The following ACAP2 variants were observed in gnomAD, a reference collection of about 807,000 sequenced individuals.
ACAP2 encodes the protein arf-GAP with coiled-coil, ANK repeat and PH domain-containing protein 2.
In ACAP2, 39 loss-of-function variants were observed where a neutral mutation model predicts 115.8. The ratio of observed to expected loss-of-function variants is 0.34; its 90% CI spans 0.26 to 0.44. ACAP2 has a LOEUF of 0.44. Among genes scored for constraint, ACAP2 ranks in the 20% least tolerant of loss-of-function variants. The probability of loss-of-function intolerance (pLI) is 1.00; values close to 1 mark genes in which losing one functional copy is unlikely to be tolerated. For missense variants in ACAP2, 662 were observed against 927.6 expected (o/e 0.71, Z 3.72); for synonymous variants, 289 against 315.8 (o/e 0.92, Z 0.90).
intron 4 of ACAP2, among the ~76,000 whole-genome samples, chr3:195,363,197 A>G (rs1732485737): frequency 6.6e-6 from 1 of 152,254 alleles, no homozygotes; most frequent in African/African-American, 2.4e-5. Context: ...CCCATTTACA[A>G]TTGCTACAAA....
intron 9 of ACAP2, 68 bp from the exon 10 acceptor site, chr3:195,320,881 TAAGAA>T (rs1729404312): frequency 9.7e-7 from 1 of 1,033,938 alleles, no homozygotes; most frequent in Non-Finnish European, 1.5e-6. Flanking sequence ...AAATGGATCC[TAAGAA>T]AAGAGTTCAA....
At position 195,344,199 on chromosome 3, in the gene ACAP2, C is replaced by A. The variant is rs180720902; in HGVS notation, c.344+1060G>T. Reference sequence around the variant, plus strand: ...AGCCACTGTACTCCAGCCTGGGTAACAGAGTCAGACCCTGTCTCTATATTT... The same window carrying A: ...AGCCACTGTACTCCAGCCTGGGTAAAAGAGTCAGACCCTGTCTCTATATTT... On this transcript the variant is annotated intron_variant, in intron 5 of 22. Coordinates refer to ENST00000326793, the MANE Select transcript of ACAP2 (RefSeq NM_012287.6). Among the ~76,000 whole-genome samples, 57 of 152,216 alleles carry A rather than the reference C, an allele frequency of 3.7e-4. No individual in the cohort carries two copies. The East Asian group carries it at 0.011, about 29-fold the overall frequency.
chr3:195,292,392 T>C lies in ACAP2; in HGVS notation c.1826A>G (p.Gln609Arg), dbSNP rs1264279102. The change falls in exon 19 of 23, where the codon CAG (glutamine) becomes CGG (arginine). Residue 609 changes from glutamine (Q) to arginine (R), a missense_variant. Around this residue, in one of 3 missense-constraint regions of ACAP2, gnomAD observed 133 missense variants for 123.1 expected, o/e 1.08. Coordinates refer to ENST00000326793, the MANE Select transcript of ACAP2 (RefSeq NM_012287.6). Reference sequence around the variant, plus strand: ...TTTTTCATATGACGCCCTATAAAGCTGAAGTCCTGGATTAAGATGTTTCGA... The same window carrying C: ...TTTTTCATATGACGCCCTATAAAGCCGAAGTCCTGGATTAAGATGTTTCGA... ...LDSKHLNPGLQLYRASYEKNL... is the reference protein window; with the variant it reads ...LDSKHLNPGLRLYRASYEKNL... 1.2e-6 allele frequency: 2 copies of C among 1,613,374 alleles called. No homozygotes were observed. Among genetic ancestry groups the C allele is most frequent in the Non-Finnish European group, 1.7e-6 (2 of 1,179,916 alleles).
chr3:195,442,965 G>T lies in ACAP2; in HGVS notation c.-118C>A. ...CGCGACTAGCGTTGCGCGGAGCTGC[G>T]AAGGGCGCCTCGCCCGCTGGTCATA... On this transcript the variant is annotated 5_prime_UTR_variant, in exon 1 of 23. Coordinates refer to ENST00000326793, the MANE Select transcript of ACAP2 (RefSeq NM_012287.6). The T allele has an allele frequency of 9.8e-6, 9 of 917,890 alleles. No homozygotes were observed. The highest frequency in any genetic ancestry group is 3.3e-5 in the East Asian group (1 of 30,666). 56.9% of individuals were successfully genotyped at this position (917,890 alleles called of 1,614,324 possible).
At chr3:195,424,746 T>C (rs1398735520) in intron 1 of ACAP2, among the ~76,000 whole-genome samples, 1 of 151,128 alleles carries the variant, frequency 6.6e-6, no homozygotes, top group Non-Finnish European at 1.5e-5. Context: ...TGAGATTTCG[T>C]CTCTACAAAA....
intron 4 of ACAP2, among the ~76,000 whole-genome samples, chr3:195,363,920 A>C (rs760561986): frequency 2.0e-5 from 3 of 152,214 alleles, no homozygotes; most frequent in Non-Finnish European, 2.9e-5. Flanking sequence ...CAGAAGAACG[A>C]AACTAGAGCC....
chr3:195,351,180 T>C (rs1303127384), intron 4 of ACAP2, among the ~76,000 whole-genome samples: 4 of 146,968 alleles, frequency 2.7e-5, no homozygotes, highest in African/African-American at 7.7e-5. Context: ...TGCAGTGGTG[T>C]GATCTCGGCT....
chr3:195,285,886 T>C, intron 21 of ACAP2, 29 bp from the exon 22 acceptor site: 2 of 1,481,992 alleles, frequency 1.3e-6, no homozygotes, highest in Non-Finnish European at 1.9e-6. Flanking sequence ...GTGTTTTAGA[T>C]GACATTATAT....
intron 1 of ACAP2, among the ~76,000 whole-genome samples, chr3:195,403,002 T>C (rs1219736953): frequency 1.3e-5 from 2 of 152,046 alleles, no homozygotes; most frequent in Non-Finnish European, 2.9e-5. Context: ...AATTGGATGG[T>C]ATGCGATAAG....
intron 9 of ACAP2, among the ~76,000 whole-genome samples, chr3:195,323,644 C>T (rs745868329): frequency 2.0e-5 from 3 of 151,978 alleles, no homozygotes; most frequent in Non-Finnish European, 2.9e-5. Context: ...CAAGAATTTG[C>T]CGGCCAGGAA....
rs544690821 is a variant in ACAP2, at chr3:195,325,815, CTAAT to C, written c.744+1066_744+1069del. Among the ~76,000 whole-genome samples, 96 of 152,180 alleles carry C rather than the reference CTAAT, an allele frequency of 6.3e-4. 1 individual carries two copies. The highest frequency in any genetic ancestry group is 2.2e-3 in the African/African-American group (90 of 41,526). ...CCATGAACACATCATACTGTACACT[CTAAT>C]TATGTAAAATTTTTATCTGTCAACT... On this transcript the variant is annotated intron_variant, in intron 9 of 22. Transcript: ENST00000326793.
chr3:195,405,763 T>C (rs1032990450), intron 1 of ACAP2, among the ~76,000 whole-genome samples: 2 of 151,538 alleles, frequency 1.3e-5, no homozygotes, highest in Admixed American at 1.3e-4. Flanking sequence ...CTGCAGGCTG[T>C]ATAGGAAGCA....
At chr3:195,323,589 T>C (rs1729585966) in intron 9 of ACAP2, among the ~76,000 whole-genome samples, 2 of 152,150 alleles carry the variant, frequency 1.3e-5, no homozygotes, top group African/African-American at 4.8e-5. Context: ...TTTTGATTCA[T>C]ACAAAATTGA....
At chr3:195,391,611 T>A (rs901156453) in intron 2 of ACAP2, among the ~76,000 whole-genome samples, 2 of 152,156 alleles carry the variant, frequency 1.3e-5, no homozygotes, top group African/African-American at 2.4e-5. Context: ...GGCACTTAGA[T>A]TAGACTTTAC....
chr3:195,331,528 G>A (rs1730166073), intron 8 of ACAP2, among the ~76,000 whole-genome samples: 2 of 151,494 alleles, frequency 1.3e-5, no homozygotes, highest in Admixed American at 1.3e-4. Context: ...GCCCAGGCTG[G>A]TCTCAAACTC....
In ACAP2 at chr3:195,362,451, G is replaced by A. The variant is rs949380461; in HGVS notation, c.286-17134C>T. Among the ~76,000 whole-genome samples, 20 of 152,104 alleles carry A rather than the reference G, an allele frequency of 1.3e-4. No individual in the cohort carries two copies. In the South Asian group the frequency reaches 3.5e-3, roughly 27 times the overall value. On this transcript the variant is annotated intron_variant, in intron 4 of 22. Transcript: ENST00000326793. ...AACTATTCTGAAAAATAGCAAAGGA[G>A]GGAATACTTACAAACTCATTCTATG...
intron 13 of ACAP2, among the ~76,000 whole-genome samples, chr3:195,303,342 G>T (rs1320120346): frequency 6.6e-6 from 1 of 151,668 alleles, no homozygotes; most frequent in Non-Finnish European, 1.5e-5. Flanking sequence ...CCGGGAGGGG[G>T]CTATTGTAGT....
chr3:195,391,222 CTCTT>C (rs1379655477), intron 2 of ACAP2, among the ~76,000 whole-genome samples: 12 of 113,572 alleles, frequency 1.1e-4, no homozygotes, highest in Non-Finnish European at 1.9e-4. Context: ...GAAAAAGCTT[CTCTT>C]TCTTTTTTTT....
chr3:195,335,041 G>T (rs912770875), intron 7 of ACAP2, among the ~76,000 whole-genome samples: 2 of 152,034 alleles, frequency 1.3e-5, no homozygotes, highest in Non-Finnish European at 2.9e-5. Flanking sequence ...CATGAGCTAC[G>T]AATGGTTTTT....
Sources: allele counts gnomAD v4.1 joint callset (sites outside exome capture counted in the v4.1 genomes callset), GRCh38; gene constraint gnomAD v4.1.1; regional missense constraint gnomAD v4.1.1; transcripts MANE v1.5; gene names NCBI Gene and HGNC (gene_info 2026-07-23, HGNC 2026-07-21).